Variants in ESPN observed in about 807,000 individuals in gnomAD.
ESPN encodes the protein autosomal recessive deafness type 36 protein.
Under a neutral mutation model 77.7 loss-of-function variants are expected in ESPN, and 68 were observed. That is an observed-to-expected ratio of 0.87 (90% confidence interval 0.72 to 1.07). The LOEUF is 1.07. Ranked by LOEUF, ESPN falls within the 50% of genes least tolerant of loss-of-function variation. The probability of loss-of-function intolerance (pLI) is 0.00; values close to 1 mark genes in which losing one functional copy is unlikely to be tolerated. For missense variants in ESPN, 1,060 were observed against 1,239.0 expected (o/e 0.86, Z 2.17); for synonymous variants, 449 against 567.1 (o/e 0.79, Z 2.96).
rs115427927 is a variant in ESPN, at chr1:6,437,004, A to G, written c.489-3250A>G. 5.5e-3 allele frequency among the ~76,000 whole-genome samples: 815 copies of G among 148,204 alleles called. 5 individuals are homozygous for G. Among genetic ancestry groups the G allele is most frequent in the African/African-American group, 0.019 (785 of 40,808 alleles). On this transcript the variant is annotated intron_variant, in intron 2 of 12. Transcript: ENST00000645284. This position sits in a 1 kb window ranked among gnomAD's most constrained non-coding sequence, Gnocchi z 4.5. ...GCCAGGATCCCCTCCCCCTCAGCCCATCAGCATATCTGTCCCATGTTCTGG... is the reference window on the plus strand; with the variant it reads ...GCCAGGATCCCCTCCCCCTCAGCCCGTCAGCATATCTGTCCCATGTTCTGG...
Position 6,425,103 on chromosome 1 carries a change from C to T in ESPN, c.148C>T (p.His50Tyr), listed in dbSNP as rs1302078764. 3 of 1,506,692 alleles carry T rather than the reference C, an allele frequency of 2.0e-6. No homozygotes were observed. Among genetic ancestry groups the T allele is most frequent in the African/African-American group, 2.9e-5 (2 of 69,224 alleles). 93.3% of individuals were successfully genotyped at this position (1,506,692 alleles called of 1,614,324 possible). A position where few individuals can be genotyped will look rare whatever the true frequency, so the allele number is the denominator to read the frequency against. ...CCACGCGGCCCGCGCTGGGAAGCTG[C>T]ACTGTCTGCGCTTCCTGGTGGAGGA... is the stretch of plus-strand genomic sequence containing the variant. ...VHHAARAGKLHCLRFLVEEAA... is the reference protein window; with the variant it reads ...VHHAARAGKLYCLRFLVEEAA... The change falls in exon 1 of 13, where the codon CAC becomes TAC. Residue 50 changes from histidine to tyrosine, a missense_variant. Around this residue, in one of 3 missense-constraint regions of ESPN, gnomAD observed 556 missense variants for 633.6 expected, o/e 0.88. Transcript: ENST00000645284.
At chr1:6,442,584 A>AAG (rs1643677847) in intron 5 of ESPN, among the ~76,000 whole-genome samples, 1 of 148,704 alleles carries the variant, frequency 6.7e-6, no homozygotes, top group Admixed American at 6.7e-5. Context: ...AAAAAAAAAA[A>AAG]AAAGGCTGGG....
intron 12 of ESPN, among the ~76,000 whole-genome samples, chr1:6,459,673 G>A (rs1644121392): frequency 6.6e-6 from 1 of 151,996 alleles, no homozygotes; most frequent in Non-Finnish European, 1.5e-5. Context: ...TCAAGTCCTG[G>A]TCCCAGTAAT....
Position 6,450,195 on chromosome 1 carries a change from G to T in ESPN, c.1915+1104G>T, listed in dbSNP as rs1643920037. 6.6e-6 allele frequency among the ~76,000 whole-genome samples: 1 copy of T among 152,116 alleles called. No homozygotes were observed. Among genetic ancestry groups the T allele is most frequent in the Non-Finnish European group, 1.5e-5 (1 of 68,030 alleles). ...TGCCAAGGTGGAGGCCCTTGCTAGG[G>T]GCTAGAGCCAGTGGTGGCCCTGCCC... On this transcript the variant is annotated intron_variant, in intron 8 of 12. Transcript: ENST00000645284. The surrounding 1 kb of genome is among the most constrained non-coding windows in gnomAD (Gnocchi z 4.3).
At chr1:6,433,226 C>T (rs1028943475) in intron 2 of ESPN, among the ~76,000 whole-genome samples, 1 of 152,148 alleles carries the variant, frequency 6.6e-6, no homozygotes, top group Non-Finnish European at 1.5e-5. Context: ...GGGCGGATCA[C>T]GAGGTCAGGA....
intron 12 of ESPN, among the ~76,000 whole-genome samples, chr1:6,458,948 T>C (rs1474038793): frequency 1.4e-5 from 2 of 139,608 alleles, no homozygotes; most frequent in East Asian, 4.2e-4. Flanking sequence ...AAAAAAAAAA[T>C]TAGCTGGGCG....
intron 11 of ESPN, 26 bp downstream of exon 11, chr1:6,457,289 G>A: frequency 6.2e-7 from 1 of 1,614,148 alleles, no homozygotes; most frequent in African/African-American, 1.3e-5. Flanking sequence ...GGCAGAGGCT[G>A]GCCTGGCAGG....
rs1643938670 is a variant in ESPN at position 6,451,283 on chromosome 1, G to A, written c.1916-320G>A. ...GTGGCTGATTCCAGGTAGTGTTTTG[G>A]AGCTGGGCAGTCAGTGGCTGGGCGG... On this transcript the variant is annotated intron_variant, in intron 8 of 12. Transcript: ENST00000645284. This position sits in a 1 kb window ranked among gnomAD's most constrained non-coding sequence, Gnocchi z 4.3. 1 of 444,202 alleles carries A rather than the reference G, an allele frequency of 2.3e-6. No homozygotes were observed. The highest frequency in any genetic ancestry group is 4.2e-6 in the Non-Finnish European group (1 of 238,830). The allele number at this position is 444,202 out of a possible 1,614,324, so 27.5% of individuals were successfully genotyped here.
chr1:6,451,532 GA>G lies in ESPN; in HGVS notation c.1916-70del. 7 of 1,573,722 alleles carry G rather than the reference GA, an allele frequency of 4.4e-6. No individual in the cohort carries two copies. The highest frequency in any genetic ancestry group is 4.3e-6 in the Non-Finnish European group (5 of 1,157,744). ...ATCTTGGCTTAGGAAAGGGGCTGCA[GA>G]GGGGCGGGTGAGGGGTGGCGGGGAT... On this transcript the variant is annotated intron_variant, in intron 8 of 12. Transcript: ENST00000645284. The surrounding 1 kb of genome is among the most constrained non-coding windows in gnomAD (Gnocchi z 4.3).
chr1:6,429,299 C>T (rs1643155734), intron 2 of ESPN, among the ~76,000 whole-genome samples: 1 of 152,070 alleles, frequency 6.6e-6, no homozygotes, highest in East Asian at 1.9e-4. Context: ...GACCCAGCCT[C>T]AGGACGAGAG....
intron 10 of ESPN, chr1:6,455,359 G>C (rs886838310): frequency 3.4e-5 from 13 of 384,850 alleles, no homozygotes; most frequent in Non-Finnish European, 6.0e-5. Context: ...CGCCTACGCG[G>C]ACTGCTGCCC....
rs61780702 is a variant in ESPN at position 6,425,943 on chromosome 1, T to A, written c.294+694T>A. 3.7e-4 allele frequency among the ~76,000 whole-genome samples: 56 copies of A among 152,332 alleles called. 1 individual carries two copies. Among genetic ancestry groups the A allele is most frequent in the Admixed American group, 3.3e-3 (51 of 15,306 alleles). On this transcript the variant is annotated intron_variant, in intron 1 of 12. Coordinates refer to ENST00000645284, the MANE Select transcript of ESPN (RefSeq NM_031475.3). Reference sequence around the variant, plus strand: ...ACAAGAAGTGCAGAGCCCTGAGGCATGCACGCTCTTGTCCTGTCGGAGGGC... The same window carrying A: ...ACAAGAAGTGCAGAGCCCTGAGGCAAGCACGCTCTTGTCCTGTCGGAGGGC...
At chr1:6,459,618 C>CCCA (rs1277949249) in intron 12 of ESPN, among the ~76,000 whole-genome samples, 2 of 152,082 alleles carry the variant, frequency 1.3e-5, no homozygotes, top group Non-Finnish European at 2.9e-5. Context: ...CCCCAGCAGC[C>CCCA]CCACCCCAGT....
At chr1:6,444,769 C>A in intron 6 of ESPN, 87 bp downstream of exon 6, 1 of 1,493,668 alleles carries the variant, frequency 6.7e-7, no homozygotes, top group Non-Finnish European at 9.3e-7. Flanking sequence ...GGCCGCCCTG[C>A]CACAGCCAAT....
chr1:6,430,146 G>A (rs1643187913), intron 2 of ESPN, among the ~76,000 whole-genome samples: 1 of 152,218 alleles, frequency 6.6e-6, no homozygotes, highest in South Asian at 2.1e-4. Flanking sequence ...GGCTTGAGCT[G>A]CCCCAGGACA....
At chr1:6,435,651 G>C (rs1643409354) in intron 2 of ESPN, among the ~76,000 whole-genome samples, 3 of 152,172 alleles carry the variant, frequency 2.0e-5, no homozygotes, top group African/African-American at 7.2e-5. Context: ...GCAGGGGTCT[G>C]GGAGTCAGAG....
intron 7 of ESPN, among the ~76,000 whole-genome samples, chr1:6,446,267 G>A (rs1481382511): frequency 6.6e-6 from 1 of 152,102 alleles, no homozygotes; most frequent in Non-Finnish European, 1.5e-5. Context: ...AATGCATGGA[G>A]ACTGCCCCTC....
intron 10 of ESPN, chr1:6,456,007 AGCCGCCGCCGCC>A: frequency 2.5e-6 from 1 of 397,412 alleles, no homozygotes; most frequent in Non-Finnish European, 4.4e-6. Flanking sequence ...CCTGCGCCGC[AGCCGCCGCCGCC>A]GCCCCCGCCC....
At chr1:6,435,529 C>T (rs1332330941) in intron 2 of ESPN, among the ~76,000 whole-genome samples, 1 of 152,248 alleles carries the variant, frequency 6.6e-6, no homozygotes, top group Non-Finnish European at 1.5e-5. Context: ...ATGATCATCG[C>T]CAGGGCGCCT....
Sources: allele counts gnomAD v4.1 joint callset (sites outside exome capture counted in the v4.1 genomes callset), GRCh38; gene constraint gnomAD v4.1.1; regional missense constraint gnomAD v4.1.1; non-coding constraint Gnocchi (gnomAD v3.1); transcripts MANE v1.5; gene names NCBI Gene and HGNC (gene_info 2026-07-23, HGNC 2026-07-21).